Variants in GABRG3 observed in about 807,000 individuals in gnomAD.
GABRG3 encodes gamma-aminobutyric acid type A receptor subunit gamma3.
GABRG3 carries 25 observed loss-of-function variants against 48.8 expected under a neutral mutation model. That is an observed-to-expected ratio of 0.51 (90% CI 0.37 to 0.72). The LOEUF (loss-of-function observed/expected upper bound fraction) is 0.72, where lower values mean the gene tolerates loss of function less well. GABRG3 is among the 30% of genes least tolerant of loss of function. The pLI, the probability that GABRG3 is intolerant of heterozygous loss-of-function variation, is 0.00. For synonymous variants in GABRG3, 227 were observed against 217.6 expected (o/e 1.04, Z -0.38); for missense variants, 394 against 577.9 (o/e 0.68, Z 3.26).
intron 3 of GABRG3, among the ~76,000 whole-genome samples, chr15:27,033,110 A>G (rs553398564): frequency 2.6e-5 from 4 of 152,236 alleles, no homozygotes; most frequent in African/African-American, 7.2e-5. Context: ...TCTGACATTC[A>G]TATTCCCTGA....
intron 5 of GABRG3, among the ~76,000 whole-genome samples, chr15:27,397,021 A>C (rs1037094611): frequency 6.6e-6 from 1 of 152,214 alleles, no homozygotes; most frequent in South Asian, 2.1e-4. Context: ...TGGTGAACAC[A>C]AGACTATGCA....
intron 2 of GABRG3, among the ~76,000 whole-genome samples, chr15:26,986,078 A>G (rs1003090885): frequency 3.9e-5 from 6 of 152,072 alleles, no homozygotes; most frequent in Non-Finnish European, 1.5e-5. Context: ...TTCCTTCTCC[A>G]TGCACATCTG....
intron 6 of GABRG3, among the ~76,000 whole-genome samples, chr15:27,516,606 G>T (rs993004534): frequency 6.6e-6 from 1 of 152,134 alleles, no homozygotes; most frequent in Non-Finnish European, 1.5e-5. Context: ...TTATTTATCT[G>T]ATTCTGACCT....
At chr15:27,503,818 T>C (rs1890699877) in intron 6 of GABRG3, among the ~76,000 whole-genome samples, 1 of 152,226 alleles carries the variant, frequency 6.6e-6, no homozygotes, top group Non-Finnish European at 1.5e-5. Flanking sequence ...CTCCTTGCAA[T>C]TCTGTCCATT....
rs147761628 is a variant in GABRG3, at chr15:27,199,556, A to G, written c.271-127253A>G. 2.9e-3 allele frequency among the ~76,000 whole-genome samples: 435 copies of G among 152,136 alleles called. 1 individual carries two copies. Among genetic ancestry groups the G allele is most frequent in the Non-Finnish European group, 4.9e-3 (330 of 68,006 alleles). ...CTCATGAAGGGCTTGGTGTCCTCCC[A>G]GTGGTAATGGGTGAATTCTTGTTCT... On this transcript the variant is annotated intron_variant, in intron 3 of 9. Transcript: ENST00000615808.
chr15:26,980,579 T>A (rs2140637708), intron 2 of GABRG3, among the ~76,000 whole-genome samples: 1 of 150,840 alleles, frequency 6.6e-6, no homozygotes, highest in African/African-American at 2.4e-5. Context: ...CTGAGGAGGC[T>A]GAGGCAGGAG....
In GABRG3 at chr15:26,971,183, A is replaced by T. The variant is rs1377553662; in HGVS notation, c.-353A>T. On this transcript the variant is annotated 5_prime_UTR_variant, in exon 1 of 10. Coordinates refer to ENST00000615808, the MANE Select transcript of GABRG3 (RefSeq NM_033223.5). ...CGCCCAGCTGCCCCCACCTCCCAGC[A>T]CAGCGCACACAGCCCCGGCCTGGGC... 1 of 151,788 alleles carries T rather than the reference A, an allele frequency of 6.6e-6. No individual in the cohort carries two copies. Among genetic ancestry groups the T allele is most frequent in the Non-Finnish European group, 1.5e-5 (1 of 67,942 alleles). 9.4% of individuals were successfully genotyped at this position (151,788 alleles called of 1,614,324 possible).
intron 5 of GABRG3, among the ~76,000 whole-genome samples, chr15:27,410,036 A>G (rs190349774): frequency 1.3e-5 from 2 of 152,310 alleles, no homozygotes; most frequent in Admixed American, 6.5e-5. Context: ...GTCTTCAACC[A>G]TGAAGTGTGA....
At chr15:27,462,763 G>A (rs935414864) in intron 5 of GABRG3, among the ~76,000 whole-genome samples, 16 of 151,948 alleles carry the variant, frequency 1.1e-4, no homozygotes, top group Non-Finnish European at 2.2e-4. Context: ...TGCTTAATTC[G>A]GCATTTATCC....
intron 3 of GABRG3, among the ~76,000 whole-genome samples, chr15:27,298,178 A>G (rs1892067911): frequency 6.6e-6 from 1 of 152,200 alleles, no homozygotes; most frequent in South Asian, 2.1e-4. Context: ...TATCAGACTG[A>G]ATAAAAATAA....
chr15:27,396,328 T>TA (rs1291429413), intron 5 of GABRG3, among the ~76,000 whole-genome samples: 1 of 151,710 alleles, frequency 6.6e-6, no homozygotes, highest in Non-Finnish European at 1.5e-5. Flanking sequence ...AGCAACCCAA[T>TA]AAAAAAATGG....
At chr15:27,140,659 TTTC>T (rs1447185653) in intron 3 of GABRG3, among the ~76,000 whole-genome samples, 1 of 152,210 alleles carries the variant, frequency 6.6e-6, no homozygotes, top group Non-Finnish European at 1.5e-5. Flanking sequence ...TTTAATAATA[TTTC>T]TTATTATATA....
intron 3 of GABRG3, among the ~76,000 whole-genome samples, chr15:27,247,024 C>T (rs1359471445): frequency 2.6e-5 from 4 of 152,192 alleles, no homozygotes; most frequent in Admixed American, 1.3e-4. Context: ...AGTGCAGTGG[C>T]ACAATCTGGG....
At chr15:27,384,792 A>G (rs1027219986) in intron 5 of GABRG3, among the ~76,000 whole-genome samples, 7 of 152,174 alleles carry the variant, frequency 4.6e-5, no homozygotes, top group Non-Finnish European at 7.3e-5. Context: ...TTCACTGGAA[A>G]CTTTCAATAT....
chr15:27,496,538 C>T (rs144404072), intron 6 of GABRG3, among the ~76,000 whole-genome samples: 119 of 152,324 alleles, frequency 7.8e-4, no homozygotes, highest in African/African-American at 2.4e-3. Flanking sequence ...GGGAAATAAT[C>T]TTCATGTCTT....
chr15:27,003,892 C>G (rs1428050833), intron 2 of GABRG3, among the ~76,000 whole-genome samples: 13 of 145,670 alleles, frequency 8.9e-5, no homozygotes, highest in African/African-American at 3.1e-4. Flanking sequence ...GGCGGCTGGC[C>G]GGGCAGAGGG....
At chr15:27,103,722 A>T (rs1423577347) in intron 3 of GABRG3, among the ~76,000 whole-genome samples, 1 of 152,170 alleles carries the variant, frequency 6.6e-6, no homozygotes, top group African/African-American at 2.4e-5. Flanking sequence ...TTCTCTCTCA[A>T]GGAATGACCA....
At chr15:27,479,793 G>C (rs1426155344) in intron 5 of GABRG3, among the ~76,000 whole-genome samples, 1 of 152,202 alleles carries the variant, frequency 6.6e-6, no homozygotes, top group African/African-American at 2.4e-5. Flanking sequence ...CATGCCCTGT[G>C]AGGCAGACAG....
rs908483520 is a variant in GABRG3, at chr15:27,026,665, T to C, written c.203-89T>C. ...GTGTGTTTCCACCATGTCCTTGTGA[T>C]GCTATGTATGAGACTTTAGGACTTG... On this transcript the variant is annotated intron_variant, in intron 2 of 9. Transcript: ENST00000615808. 3.9e-6 allele frequency: 3 copies of C among 765,350 alleles called. No individual in the cohort carries two copies. In the African/African-American group the frequency reaches 5.2e-5, roughly 13 times the overall value. 47.4% of individuals were successfully genotyped at this position (765,350 alleles called of 1,614,324 possible). A position where few individuals can be genotyped will look rare whatever the true frequency, so the allele number is the denominator to read the frequency against.
Sources: gnomAD v4.1 joint callset for allele counts (sites outside exome capture counted in the v4.1 genomes callset) on GRCh38, gnomAD v4.1.1 for gene constraint, MANE v1.5 for transcripts, NCBI Gene and HGNC (gene_info 2026-07-23, HGNC 2026-07-21) for gene names.